PIK3R3: variants seen among roughly 807,000 people sequenced by gnomAD.
The protein encoded by PIK3R3 is phosphoinositide-3-kinase regulatory subunit 3.
Under a neutral mutation model 62.9 loss-of-function variants are expected in PIK3R3, and 64 were observed. That is an observed-to-expected ratio of 1.02 (90% CI 0.83 to 1.25). PIK3R3 has a LOEUF of 1.25. PIK3R3 is among the 50% of genes most tolerant of loss of function. The pLI is 0.00. For missense variants in PIK3R3, 614 were observed against 561.6 expected, an observed-to-expected ratio of 1.09 and a Z score of -0.94; for synonymous variants, 165 against 189.0, an observed-to-expected ratio of 0.87 and a Z score of 1.04.
In PIK3R3 at chr1:46,043,665, C is replaced by A; in HGVS notation, c.*8G>T. 6.2e-7 allele frequency: 1 copy of A among 1,613,544 alleles called. No individual in the cohort carries two copies. The highest frequency in any genetic ancestry group is 8.5e-7 in the Non-Finnish European group (1 of 1,179,478). The stretch of plus-strand genomic sequence containing the variant: ...TGCCAGAGAACCACCTCTCTTCCCA[C>A]TTCCTCTTTATCTGCAAAGCGAGGG... On this transcript the variant is annotated 3_prime_UTR_variant, in exon 10 of 10. Transcript: ENST00000262741.
chr1:46,098,343 T>C (rs753424536), intron 1 of PIK3R3, among the ~76,000 whole-genome samples: 5 of 152,246 alleles, frequency 3.3e-5, no homozygotes, highest in African/African-American at 4.8e-5. Context: ...GTAATTCTAC[T>C]CTTACATGTA....
At chr1:46,139,701 C>T in the PIK3R3 span, among the ~76,000 whole-genome samples, 2 of 152,160 alleles carry the variant, frequency 1.3e-5, no homozygotes, top group African/African-American at 4.8e-5. Context: ...CTTCAACAGC[C>T]TTACACTCTT....
chr1:46,089,955 C>A (rs967212267), intron 1 of PIK3R3, among the ~76,000 whole-genome samples: 9 of 151,844 alleles, frequency 5.9e-5, no homozygotes, highest in African/African-American at 2.2e-4. Flanking sequence ...GCAGTATTAC[C>A]GTATTACAAA....
At chr1:46,097,955 A>T (rs1473559518) in intron 1 of PIK3R3, among the ~76,000 whole-genome samples, 2 of 152,026 alleles carry the variant, frequency 1.3e-5, no homozygotes, top group African/African-American at 2.4e-5. Flanking sequence ...AAAAGCATCC[A>T]GAGAGAAAAG....
chr1:46,155,692 G>A, the PIK3R3 span, among the ~76,000 whole-genome samples: 10 of 152,136 alleles, frequency 6.6e-5, 1 homozygote, highest in Admixed American at 1.3e-4. Context: ...AAACTCCTTG[G>A]CTCAAGCTAT....
Position 46,062,166 on chromosome 1 carries a change from A to C in PIK3R3, c.622-95T>G, listed in dbSNP as rs187445850. 36 of 992,270 alleles carry C rather than the reference A, an allele frequency of 3.6e-5. No individual in the cohort carries two copies. The East Asian group carries it at 8.8e-4, about 24-fold the overall frequency. The allele number at this position is 992,270 out of a possible 1,614,324, so 61.5% of individuals were successfully genotyped here. A position where few individuals can be genotyped will look rare whatever the true frequency, so the allele number is the denominator to read the frequency against. Reference sequence around the variant, plus strand: ...ACAAATTTTGTAATTCCAGTTATTAATGTAATCCCATATAACACCTAGTCT... The same window carrying C: ...ACAAATTTTGTAATTCCAGTTATTACTGTAATCCCATATAACACCTAGTCT... On this transcript the variant is annotated intron_variant, in intron 5 of 9. Transcript: ENST00000262741.
intron 1 of PIK3R3, among the ~76,000 whole-genome samples, chr1:46,125,954 G>C (rs979540525): frequency 2.0e-5 from 3 of 151,842 alleles, no homozygotes; most frequent in African/African-American, 7.3e-5. Context: ...TAGAGATAGG[G>C]TTTCACCATG....
the PIK3R3 span, among the ~76,000 whole-genome samples, chr1:46,159,738 T>TACACACACACACACACACACAC: frequency 1.4e-5 from 2 of 148,010 alleles, no homozygotes; most frequent in African/African-American, 5.0e-5. Flanking sequence ...ATGAGTACCA[T>TACACACACACACACACACACAC]ACACACACAC....
intron 1 of PIK3R3, among the ~76,000 whole-genome samples, chr1:46,119,995 C>T (rs568656011): frequency 2.4e-4 from 37 of 152,132 alleles, no homozygotes; most frequent in African/African-American, 8.7e-4. Flanking sequence ...CCAGTCTGGA[C>T]GGCTCCTAAT....
At chr1:46,078,357 A>C (rs1571429312) in intron 2 of PIK3R3, among the ~76,000 whole-genome samples, 2 of 152,120 alleles carry the variant, frequency 1.3e-5, no homozygotes, top group African/African-American at 4.8e-5. Context: ...GGCCAACATG[A>C]TGAAACCCTG....
At chr1:46,046,663 A>AT in intron 7 of PIK3R3, 38 bp from the exon 8 acceptor site, 1 of 1,412,914 alleles carries the variant, frequency 7.1e-7, no homozygotes, top group Non-Finnish European at 1.0e-6. Context: ...TATCCATGCA[A>AT]ACTCTGACTG....
At chr1:46,147,621 G>C in the PIK3R3 span, among the ~76,000 whole-genome samples, 2 of 150,506 alleles carry the variant, frequency 1.3e-5, no homozygotes, top group African/African-American at 5.0e-5. Flanking sequence ...GAGTTTCACT[G>C]TGTTAGCCGG....
intron 2 of PIK3R3, among the ~76,000 whole-genome samples, chr1:46,078,232 T>G (rs1284482855): frequency 6.6e-6 from 1 of 152,132 alleles, no homozygotes; most frequent in Non-Finnish European, 1.5e-5. Context: ...AATAGAAATA[T>G]TCTAACCAAT....
At chr1:46,152,602 G>T in the PIK3R3 span, among the ~76,000 whole-genome samples, 1 of 130,980 alleles carries the variant, frequency 7.6e-6, no homozygotes, top group African/African-American at 2.9e-5. Context: ...TCACTCTGTC[G>T]CCCAGGCTGG....
the PIK3R3 span, among the ~76,000 whole-genome samples, chr1:46,139,675 C>T: frequency 6.6e-6 from 1 of 152,170 alleles, no homozygotes; most frequent in Non-Finnish European, 1.5e-5. Flanking sequence ...GAATTCCCAT[C>T]CTCCTCGTCT....
intron 3 of PIK3R3, among the ~76,000 whole-genome samples, chr1:46,070,586 A>G (rs1378883087): frequency 2.0e-5 from 3 of 152,222 alleles, no homozygotes; most frequent in African/African-American, 7.2e-5. Context: ...TTTAAAGGTC[A>G]CTTAAGGTTA....
At position 46,132,165 on chromosome 1, in the gene PIK3R3, C is replaced by G. The variant is rs1655670915; in HGVS notation, c.-213G>C. 7.5e-7 allele frequency: 1 copy of G among 1,336,060 alleles called. No individual in the cohort carries two copies. Among genetic ancestry groups the G allele is most frequent in the Non-Finnish European group, 9.6e-7 (1 of 1,041,128 alleles). The allele number at this position is 1,336,060 out of a possible 1,614,324, so 82.8% of individuals were successfully genotyped here. On this transcript the variant is annotated 5_prime_UTR_variant, in exon 1 of 10. Coordinates refer to ENST00000262741, the MANE Select transcript of PIK3R3 (RefSeq NM_003629.4). ...AACAAAATGCCCCCGAACTTTCAAG[C>G]TATGGGCTTTTCTCCTCAGAGGATT...
intron 9 of PIK3R3, among the ~76,000 whole-genome samples, chr1:46,045,616 GCTTTTTT>G (rs1647090098): frequency 6.0e-5 from 1 of 16,532 alleles, no homozygotes; most frequent in Admixed American, 6.6e-4. Context: ...ACAATTAAGT[GCTTTTTT>G]TTTTTTTTTT....
Position 46,064,023 on chromosome 1 carries a change from A to G in PIK3R3, c.622-1952T>C, listed in dbSNP as rs536257138. On this transcript the variant is annotated intron_variant, in intron 5 of 9. Transcript: ENST00000262741. ...AAGTCAGGGGTTCAAGACCAGCCTGACCAACATGGCGAAATCCCATCTCTA... is the reference window on the plus strand; with the variant it reads ...AAGTCAGGGGTTCAAGACCAGCCTGGCCAACATGGCGAAATCCCATCTCTA... Among the ~76,000 whole-genome samples the G allele has an allele frequency of 4.0e-5, 6 of 151,366 alleles. No homozygotes were observed. The South Asian group carries it at 1.3e-3, about 32-fold the overall frequency.
Sources: allele counts gnomAD v4.1 joint callset (sites outside exome capture counted in the v4.1 genomes callset), GRCh38; gene constraint gnomAD v4.1.1; transcripts MANE v1.5; gene names NCBI Gene and HGNC (gene_info 2026-07-23, HGNC 2026-07-21).